The following ENTPD5 variants were observed in gnomAD, a reference collection of about 807,000 sequenced individuals.
The protein encoded by ENTPD5 is nucleoside diphosphate phosphatase ENTPD5.
A neutral mutation model predicts 60.2 loss-of-function variants in ENTPD5; 49 were observed. That is an observed-to-expected ratio of 0.81 (90% CI 0.65 to 1.03). The LOEUF is 1.03. Ranked by LOEUF, ENTPD5 falls within the 50% of genes least tolerant of loss-of-function variation. ENTPD5 has a pLI of 0.00. For synonymous variants in ENTPD5, 187 were observed against 185.4 expected (o/e 1.01, Z -0.07); for missense variants, 480 against 507.6 (o/e 0.95, Z 0.52).
intron 9 of ENTPD5, 64 bp from the exon 10 acceptor site, chr14:73,976,079 AC>A: frequency 7.4e-7 from 1 of 1,347,700 alleles, no homozygotes; most frequent in Non-Finnish European, 1.1e-6. Context: ...TGTTCACACC[AC>A]CACCCGTCCC....
At position 74,002,604 on chromosome 14, in the gene ENTPD5, G is replaced by A. The variant is rs56191563; in HGVS notation, c.-71+8487C>T. On this transcript the variant is annotated intron_variant, in intron 3 of 15. Transcript: ENST00000334696. ...TTGAAGATCTTAATTTCCTGCTGTT[G>A]AATACATTTCCAGAATCCGACCATT... Among the ~76,000 whole-genome samples, 422 of 152,212 alleles carry A rather than the reference G, an allele frequency of 2.8e-3. 1 individual carries two copies. The highest frequency in any genetic ancestry group is 4.7e-3 in the Admixed American group (72 of 15,266).
In ENTPD5 at chr14:74,005,234, C is replaced by A. The variant is rs148825686; in HGVS notation, c.-71+5857G>T. On this transcript the variant is annotated intron_variant, in intron 3 of 15. Coordinates refer to ENST00000334696, the MANE Select transcript of ENTPD5 (RefSeq NM_001249.5). ...TGAGCTGAGATCGCACCATTGCACT[C>A]CAGCCTGGGCGATAGGGTGAGACTC... Among the ~76,000 whole-genome samples, 409 of 141,248 alleles carry A rather than the reference C, an allele frequency of 2.9e-3. 4 individuals carry two copies. The highest frequency in any genetic ancestry group is 8.5e-3 in the South Asian group (37 of 4,366). 92.7% of individuals were successfully genotyped at this position (141,248 alleles called of 152,430 possible). A position where few individuals can be genotyped will look rare whatever the true frequency, so the allele number is the denominator to read the frequency against.
intron 2 of ENTPD5, among the ~76,000 whole-genome samples, chr14:74,011,829 T>C (rs781604399): frequency 4.6e-5 from 7 of 152,086 alleles, no homozygotes; most frequent in Non-Finnish European, 5.9e-5. Flanking sequence ...TACTATTACA[T>C]GCACGAGTAT....
At chr14:73,960,790 C>T (rs761663023), downstream of ENTPD5, 13 of 373,186 alleles carry the variant, frequency 3.5e-5, no homozygotes, top group African/African-American at 1.3e-4. Flanking sequence ...AAAGAGGCGA[C>T]GTCTTCTGGA....
At chr14:73,980,781 A>C (rs918407301) in intron 6 of ENTPD5, among the ~76,000 whole-genome samples, 3 of 152,232 alleles carry the variant, frequency 2.0e-5, no homozygotes, top group Non-Finnish European at 4.4e-5. Flanking sequence ...ATTGCATAAC[A>C]AATATATACA....
At chr14:74,016,970 G>A (rs903293999) in intron 1 of ENTPD5, among the ~76,000 whole-genome samples, 3 of 152,196 alleles carry the variant, frequency 2.0e-5, no homozygotes, top group Admixed American at 6.5e-5. Flanking sequence ...AATATATGGC[G>A]ATTCCGCCTA....
downstream of ENTPD5, chr14:73,961,320 C>T (rs888629026): frequency 1.9e-6 from 3 of 1,614,068 alleles, no homozygotes; most frequent in African/African-American, 4.0e-5. Flanking sequence ...AGTTCTGTTT[C>T]CTCTTGGGTT....
downstream of ENTPD5, chr14:73,958,367 G>GT (rs1406122712): frequency 2.5e-6 from 4 of 1,596,646 alleles, no homozygotes; most frequent in East Asian, 6.8e-5. Flanking sequence ...TTAAGCTATA[G>GT]TTTAATTTTA....
intron 8 of ENTPD5, 41 bp from the exon 9 acceptor site, chr14:73,976,453 G>A: frequency 6.6e-7 from 1 of 1,517,040 alleles, no homozygotes; most frequent in Non-Finnish European, 9.2e-7. Flanking sequence ...TCGACATCCT[G>A]GGCAGCCCAA....
At chr14:73,991,625 A>AAAAAAG (rs56259684) in intron 3 of ENTPD5, among the ~76,000 whole-genome samples, 1,666 of 127,948 alleles carry the variant, frequency 0.013, 49 homozygotes, top group African/African-American at 0.03. Flanking sequence ...AAAAAAAAAA[A>AAAAAAG]ACAATTAGGG....
downstream of ENTPD5, chr14:73,958,131 CTT>C (rs1337348156): frequency 1.2e-6 from 2 of 1,612,296 alleles, no homozygotes; most frequent in East Asian, 2.2e-5. Flanking sequence ...TTTTTCCTCT[CTT>C]TTGACCTCCC....
chr14:73,988,047 C>T lies in ENTPD5; in HGVS notation c.56G>A (p.Ser19Asn), dbSNP rs2057976677. The change falls in exon 4 of 16, where the codon AGC (serine) becomes AAC (asparagine). Residue 19 changes from serine (S) to asparagine (N), a missense_variant. By Grantham distance (46) the Ser-to-Asn change is conservative. Transcript: ENST00000334696. ...CTGCTGGTTCCTGTGGGAGACAGCG[C>T]TGCAAACACAGGATACCACCAGCAT... is the stretch of plus-strand genomic sequence containing the variant. ...FFMLVVSCVC[S>N]AVSHRNQQTW... 6.2e-7 allele frequency: 1 copy of T among 1,613,810 alleles called. No individual in the cohort carries two copies. Among genetic ancestry groups the T allele is most frequent in the South Asian group, 1.1e-5 (1 of 91,008 alleles).
chr14:73,996,076 C>T (rs776725524), intron 3 of ENTPD5: 19 of 912,142 alleles, frequency 2.1e-5, no homozygotes, highest in Non-Finnish European at 2.5e-5. Context: ...GACCACAATC[C>T]CAGAGGACCT....
At chr14:73,981,054 G>T (rs541901283) in intron 6 of ENTPD5, among the ~76,000 whole-genome samples, 2 of 152,038 alleles carry the variant, frequency 1.3e-5, no homozygotes, top group Non-Finnish European at 2.9e-5. Flanking sequence ...ACCTGAGGTC[G>T]CACTACTGCA....
intron 2 of ENTPD5, among the ~76,000 whole-genome samples, chr14:74,014,340 A>T (rs1566774332): frequency 1.3e-5 from 2 of 151,858 alleles, no homozygotes; most frequent in Non-Finnish European, 2.9e-5. Flanking sequence ...TAGGAGAACC[A>T]TTTGAGCCCA....
chr14:74,016,376 C>A (rs2059017526), intron 1 of ENTPD5, among the ~76,000 whole-genome samples: 1 of 152,168 alleles, frequency 6.6e-6, no homozygotes, highest in Non-Finnish European at 1.5e-5. Context: ...GCGACTCATG[C>A]CTGTAATCCC....
chr14:73,984,344 T>C (rs1303776097), intron 5 of ENTPD5, among the ~76,000 whole-genome samples: 1 of 152,204 alleles, frequency 6.6e-6, no homozygotes, highest in Non-Finnish European at 1.5e-5. Flanking sequence ...TGTGGGATGG[T>C]AGATACGCTG....
chr14:74,000,054 C>T (rs1325571130), intron 3 of ENTPD5, among the ~76,000 whole-genome samples: 2 of 148,496 alleles, frequency 1.3e-5, no homozygotes, highest in Non-Finnish European at 3.0e-5. Flanking sequence ...CGTCACTGCA[C>T]TCCAGCCTGG....
chr14:73,998,961 G>A (rs539059973), intron 3 of ENTPD5, among the ~76,000 whole-genome samples: 1 of 152,220 alleles, frequency 6.6e-6, no homozygotes, highest in Non-Finnish European at 1.5e-5. Flanking sequence ...TGAAGATATT[G>A]AACTAGGGAG....
Sources: allele counts gnomAD v4.1 joint callset (sites outside exome capture counted in the v4.1 genomes callset), GRCh38; gene constraint gnomAD v4.1.1; transcripts MANE v1.5; gene names NCBI Gene and HGNC (gene_info 2026-07-23, HGNC 2026-07-21).